The following SLC16A3 variants were observed in gnomAD, a reference collection of about 807,000 sequenced individuals.
The protein encoded by SLC16A3 is solute carrier family 16 member 3, also known as monocarboxylate transporter 4.
In SLC16A3, 22 loss-of-function variants were observed where a neutral mutation model predicts 25.0. The ratio of observed to expected loss-of-function variants is 0.88; its 90% CI spans 0.63 to 1.26. The LOEUF is 1.26. Ranked by LOEUF, SLC16A3 falls within the 50% of genes most tolerant of loss-of-function variation. SLC16A3 has a pLI of 0.00. For synonymous variants in SLC16A3, 390 were observed against 309.2 expected, an observed-to-expected ratio of 1.26 and a Z score of -2.74; for missense variants, 731 against 666.6, an observed-to-expected ratio of 1.10 and a Z score of -1.06.
In SLC16A3 at chr17:82,237,717, G is replaced by A; in HGVS notation, c.947G>A (p.Gly316Asp). Residue 316 changes from glycine (G) to aspartate (D), a missense_variant, in exon 4 of 5, where the codon GGC becomes GAC. Transcript: ENST00000582743. ...GLADLAGSTA[G>D]DYGGLVVFCI... The stretch of plus-strand genomic sequence containing the variant: ...GCGGACCTGGCGGGTTCTACGGCGG[G>A]CGACTACGGCGGCCTCGTGGTCTTC... The A allele has an allele frequency of 6.2e-7, 1 of 1,611,994 alleles. No individual in the cohort carries two copies. The highest frequency in any genetic ancestry group is 1.1e-5 in the South Asian group (1 of 91,080).
In SLC16A3 at chr17:82,236,966, C is replaced by T. The variant is rs111559953; in HGVS notation, c.367+94C>T. 5.7e-5 allele frequency: 86 copies of T among 1,519,742 alleles called. No individual in the cohort carries two copies. In the African/African-American group the frequency reaches 7.5e-4, roughly 13 times the overall value. 94.1% of individuals were successfully genotyped at this position (1,519,742 alleles called of 1,614,324 possible). A position where few individuals can be genotyped will look rare whatever the true frequency, so the allele number is the denominator to read the frequency against. ...TCCAGGCCTCTGGAGGACAGCAGGGCGGGTGGCTGCGGGGTGTCCCGGCCC... is the reference window on the plus strand; with the variant it reads ...TCCAGGCCTCTGGAGGACAGCAGGGTGGGTGGCTGCGGGGTGTCCCGGCCC... On this transcript the variant is annotated intron_variant, in intron 3 of 4. Transcript: ENST00000582743.
intron 1 of SLC16A3, among the ~76,000 whole-genome samples, chr17:82,220,538 A>G (rs952314102): frequency 1.3e-5 from 2 of 152,172 alleles, no homozygotes; most frequent in African/African-American, 2.4e-5. Context: ...TGGGAGGTGG[A>G]GGTGGGAGAA....
At chr17:82,222,621 T>A (rs2050396030) in intron 1 of SLC16A3, among the ~76,000 whole-genome samples, 1 of 152,026 alleles carries the variant, frequency 6.6e-6, no homozygotes, top group South Asian at 2.1e-4. Flanking sequence ...GTGACCAACA[T>A]GGTGAAACCC....
At chr17:82,221,665 T>C (rs1466046354) in intron 1 of SLC16A3, among the ~76,000 whole-genome samples, 1 of 151,998 alleles carries the variant, frequency 6.6e-6, no homozygotes, top group African/African-American at 2.4e-5. Context: ...GAAAAGATAC[T>C]CAACATCATT....
chr17:82,222,268 C>G (rs2050393828), intron 1 of SLC16A3, among the ~76,000 whole-genome samples: 1 of 136,276 alleles, frequency 7.3e-6, no homozygotes, highest in Non-Finnish European at 1.6e-5. Flanking sequence ...CGCCCTGGGA[C>G]CCCCAACTCC....
intron 1 of SLC16A3, chr17:82,231,024 C>A (rs1046804111): frequency 1.3e-5 from 2 of 152,264 alleles, no homozygotes; most frequent in African/African-American, 2.4e-5. Context: ...GGCTCCCGGG[C>A]TCCGCTGACC....
Position 82,236,078 on chromosome 17 carries a change from G to C in SLC16A3, c.70G>C (p.Val24Leu). 1 of 1,612,874 alleles carries C rather than the reference G, an allele frequency of 6.2e-7. No homozygotes were observed. The highest frequency in any genetic ancestry group is 8.5e-7 in the Non-Finnish European group (1 of 1,179,886). The change falls in exon 2 of 5, where the codon GTG becomes CTG. Residue 24 changes from valine (V) to leucine (L), a missense_variant. Transcript: ENST00000582743. ...KAPDGGWGWA[V>L]LFGCFVITGF... Reference sequence around the variant, plus strand: ...CCCTGACGGCGGCTGGGGCTGGGCCGTGCTCTTCGGCTGTTTCGTCATCAC... The same window carrying C: ...CCCTGACGGCGGCTGGGGCTGGGCCCTGCTCTTCGGCTGTTTCGTCATCAC...
chr17:82,224,578 A>G (rs2050410089), upstream of SLC16A3, among the ~76,000 whole-genome samples: 1 of 27,530 alleles, frequency 3.6e-5, no homozygotes, highest in Non-Finnish European at 5.7e-5. Flanking sequence ...CCTTGCAGTC[A>G]CCTGTGCAGA....
At chr17:82,222,155 G>C (rs1555786248) in intron 1 of SLC16A3, among the ~76,000 whole-genome samples, 4 of 132,690 alleles carry the variant, frequency 3.0e-5, no homozygotes, top group East Asian at 2.3e-4. Context: ...CGTTCGTGGA[G>C]AGGAGCGTCG....
rs748301547 is a variant in SLC16A3 at position 82,238,826 on chromosome 17, G to A, written c.1248G>A (p.Glu416=). 1 of 1,612,890 alleles carries A rather than the reference G, an allele frequency of 6.2e-7. No individual in the cohort carries two copies. The highest frequency in any genetic ancestry group is 8.5e-7 in the Non-Finnish European group (1 of 1,179,912). The change falls in exon 5 of 5, where the codon GAG becomes GAA. Residue 416 remains glutamate (E), a synonymous_variant. Transcript: ENST00000582743. The stretch of plus-strand genomic sequence containing the variant: ...TCTGCATTAGGAAGAAGCCCAAAGA[G>A]CCACAGCCTGAGGTGGCGGCCGCGG... ...NFFCIRKKPK[E]PQPEVAAAEE... is the part of the protein sequence containing the mutation.
chr17:82,220,289 T>C (rs1253802083), intron 1 of SLC16A3, among the ~76,000 whole-genome samples: 1 of 152,142 alleles, frequency 6.6e-6, no homozygotes, highest in Non-Finnish European at 1.5e-5. Context: ...CTCCAGCTGA[T>C]GACCTCCTGG....
intron 1 of SLC16A3, among the ~76,000 whole-genome samples, chr17:82,218,626 C>T (rs1416024307): frequency 6.6e-6 from 1 of 152,174 alleles, no homozygotes; most frequent in Non-Finnish European, 1.5e-5. Context: ...GCACCAGGAC[C>T]ACCAAAGCAG....
rs749822095 is a variant in SLC16A3 at position 82,236,829 on chromosome 17, C to T, written c.324C>T (p.Cys108=). The change falls in exon 3 of 5, where the codon TGC becomes TGT. Residue 108 remains cysteine (C), a synonymous_variant. Transcript: ENST00000582743. The part of the protein sequence containing the change: ...ASLGMVAASF[C]RSIIQVYLTT... Reference sequence around the variant, plus strand: ...TGGGCATGGTGGCTGCGTCCTTTTGCCGGAGCATCATCCAGGTCTACCTCA... The same window carrying T: ...TGGGCATGGTGGCTGCGTCCTTTTGTCGGAGCATCATCCAGGTCTACCTCA... 5.0e-6 allele frequency: 8 copies of T among 1,607,640 alleles called. No homozygotes were observed. The Admixed American group carries it at 8.3e-5, about 17-fold the overall frequency.
Position 82,236,806 on chromosome 17 carries a change from G to T in SLC16A3, c.301G>T (p.Gly101Cys). Residue 101 changes from glycine (G) to cysteine (C), a missense_variant, in exon 3 of 5, where the codon GGC becomes TGC. Transcript: ENST00000582743. ...TGTGGGGGGTCTCTTTGCGTCGCTG[G>T]GCATGGTGGCTGCGTCCTTTTGCCG... Reference protein sequence around the residue: ...MLVGGLFASLGMVAASFCRSI... With the variant: ...MLVGGLFASLCMVAASFCRSI... 1 of 1,608,708 alleles carries T rather than the reference G, an allele frequency of 6.2e-7. No homozygotes were observed.
Position 82,229,075 on chromosome 17 carries a change from A to T in SLC16A3, c.-58A>T, listed in dbSNP as rs1322439932. The stretch of plus-strand genomic sequence containing the variant: ...CGGGCAGAGGCGGCGAGAGGCGGCG[A>T]GAGGCGGGCTGAGGCGGCCCAGCGG... On this transcript the variant is annotated 5_prime_UTR_variant, in exon 1 of 5. Transcript: ENST00000582743. 1 of 118,336 alleles carries T rather than the reference A, an allele frequency of 8.5e-6. No homozygotes were observed. The highest frequency in any genetic ancestry group is 3.0e-4 in the East Asian group (1 of 3,352). The allele number at this position is 118,336 out of a possible 1,614,324, so 7.3% of individuals were successfully genotyped here.
chr17:82,237,906 C>T lies in SLC16A3; in HGVS notation c.1123+13C>T, dbSNP rs2050652538. 4 of 1,593,330 alleles carry T rather than the reference C, an allele frequency of 2.5e-6. No individual in the cohort carries two copies. The highest frequency in any genetic ancestry group is 3.4e-6 in the Non-Finnish European group (4 of 1,177,212). The stretch of plus-strand genomic sequence containing the variant: ...CCCCCTTCGGGAGGTGAGCGCTGCG[C>T]CCCCAGGCAGTTCCCCACACCTGCC... On this transcript the variant is annotated intron_variant, in intron 4 of 4. Coordinates refer to ENST00000582743, the MANE Select transcript of SLC16A3 (RefSeq NM_004207.4).
chr17:82,218,216 A>G (rs9747989), intron 1 of SLC16A3, among the ~76,000 whole-genome samples: 51,110 of 88,980 alleles, frequency 0.57, 16,118 homozygotes, highest in East Asian at 0.79. Flanking sequence ...GCCCAGCCTC[A>G]GTCACTGGGG....
rs746863806 is a variant in SLC16A3 at position 82,237,433 on chromosome 17, C to T, written c.663C>T (p.Ser221=). The part of the protein sequence containing the change: ...PRPSRRLLDL[S]VFRDRGFVLY... ...CCTCCCGGCGCCTGCTAGACCTGAG[C>T]GTCTTCCGGGACCGCGGCTTTGTGC... The change falls in exon 4 of 5, where the codon AGC becomes AGT. Residue 221 remains serine (S), a synonymous_variant. Transcript: ENST00000582743. The T allele has an allele frequency of 9.2e-5, 146 of 1,586,960 alleles. 4 individuals carry two copies. In the South Asian group the frequency reaches 1.5e-3, roughly 17 times the overall value.
intron 2 of SLC16A3, 139 bp from the exon 3 acceptor site, chr17:82,236,590 C>T (rs2050607973): frequency 1.5e-6 from 2 of 1,290,490 alleles, no homozygotes; most frequent in South Asian, 1.4e-5. Flanking sequence ...GGGGAGCCTG[C>T]CCACGGGGTG....
Sources: gnomAD v4.1 joint callset for allele counts (sites outside exome capture counted in the v4.1 genomes callset) on GRCh38, gnomAD v4.1.1 for gene constraint, MANE v1.5 for transcripts, NCBI Gene and HGNC (gene_info 2026-07-23, HGNC 2026-07-21) for gene names.